Variants in BLTP3A observed in about 807,000 individuals in gnomAD.
BLTP3A encodes the protein bridge-like lipid transfer protein family member 3A, also known as ICBP90 binding protein 1.
At chr6:34,872,271 G>T in the BLTP3A span, 1 of 1,566,296 alleles carries the variant, frequency 6.4e-7, no homozygotes, top group South Asian at 1.2e-5. Context: ...GTTGCAAGAT[G>T]GTATTACCGT....
chr6:34,824,804 G>T, the BLTP3A span, among the ~76,000 whole-genome samples: 1 of 151,682 alleles, frequency 6.6e-6, no homozygotes. Context: ...CTGAGTAGCT[G>T]GAATTACAGG....
chr6:34,876,517 T>C, the BLTP3A span: 27 of 152,344 alleles, frequency 1.8e-4, no homozygotes, highest in African/African-American at 5.5e-4. Flanking sequence ...TGGCTTTTTT[T>C]TCTCTCAATA....
At chr6:34,843,586 A>G in the BLTP3A span, among the ~76,000 whole-genome samples, 1 of 152,180 alleles carries the variant, frequency 6.6e-6, no homozygotes, top group Non-Finnish European at 1.5e-5. Flanking sequence ...TTTATCATTT[A>G]TTTGTGTTAC....
the BLTP3A span, among the ~76,000 whole-genome samples, chr6:34,853,116 A>G: frequency 6.6e-6 from 1 of 152,168 alleles, no homozygotes; most frequent in East Asian, 1.9e-4. Flanking sequence ...ATGATGTTAA[A>G]ACTGGGTACT....
At chr6:34,858,825 G>A in the BLTP3A span, 20 of 1,613,962 alleles carry the variant, frequency 1.2e-5, no homozygotes, top group Non-Finnish European at 1.7e-5. Flanking sequence ...TACATTCCCC[G>A]GCCCATGTCC....
the BLTP3A span, among the ~76,000 whole-genome samples, chr6:34,808,800 AAACTCCTGGACTC>A: frequency 6.6e-6 from 1 of 151,994 alleles, no homozygotes; most frequent in Non-Finnish European, 1.5e-5. Flanking sequence ...GACTGGTCTC[AAACTCCTGGACTC>A]AAGCCATCCT....
chr6:34,842,775 C>T, the BLTP3A span, among the ~76,000 whole-genome samples: 24 of 152,060 alleles, frequency 1.6e-4, no homozygotes, highest in African/African-American at 5.1e-4. Context: ...TGTGGAAGAT[C>T]AGTGTTACAA....
the BLTP3A span, chr6:34,859,020 C>T: frequency 1.1e-4 from 182 of 1,614,076 alleles, no homozygotes; most frequent in East Asian, 2.0e-4. Flanking sequence ...ATCCTGCACC[C>T]GGTGCTGTCG....
the BLTP3A span, among the ~76,000 whole-genome samples, chr6:34,860,465 G>A: frequency 6.6e-6 from 1 of 152,146 alleles, no homozygotes; most frequent in South Asian, 2.1e-4. Flanking sequence ...TATCTTAAGT[G>A]GGTCTCTAAT....
chr6:34,839,949 C>T, the BLTP3A span, among the ~76,000 whole-genome samples: 4 of 152,252 alleles, frequency 2.6e-5, no homozygotes, highest in Admixed American at 1.3e-4. Context: ...TGTGCCGTGC[C>T]GTCCAAGCTG....
At chr6:34,872,066 G>A in the BLTP3A span, 17 of 926,692 alleles carry the variant, frequency 1.8e-5, no homozygotes, top group South Asian at 3.4e-5. Flanking sequence ...ACCTAGCAGC[G>A]GCTTCTAGAA....
chr6:34,874,071 A>T, the BLTP3A span: 2 of 152,260 alleles, frequency 1.3e-5, no homozygotes, highest in South Asian at 4.1e-4. Flanking sequence ...TTAGGAACAA[A>T]GAAACATCTT....
At chr6:34,844,358 T>A in the BLTP3A span, among the ~76,000 whole-genome samples, 2 of 152,280 alleles carry the variant, frequency 1.3e-5, no homozygotes, top group African/African-American at 4.8e-5. Flanking sequence ...TACTGCAACC[T>A]CTGCCTCTGG....
chr6:34,808,359 AAAAAAAAAAAAG>A, the BLTP3A span, among the ~76,000 whole-genome samples: 1 of 150,800 alleles, frequency 6.6e-6, no homozygotes, highest in Non-Finnish European at 1.5e-5. Context: ...AAAAAAAAAA[AAAAAAAAAAAAG>A]AATAGAAATC....
chr6:34,836,613 T>C, the BLTP3A span, among the ~76,000 whole-genome samples: 2 of 152,190 alleles, frequency 1.3e-5, no homozygotes, highest in African/African-American at 4.8e-5. Context: ...CACCTCTAAA[T>C]TAGAGTCTTC....
the BLTP3A span, among the ~76,000 whole-genome samples, chr6:34,862,689 C>T: frequency 6.6e-6 from 1 of 151,724 alleles, no homozygotes; most frequent in Non-Finnish European, 1.5e-5. Context: ...AAAAAATTAG[C>T]TGAGTGTGTT....
the BLTP3A span, among the ~76,000 whole-genome samples, chr6:34,816,696 T>TGCCTATCAGAGGGATCCTTACTTCC: frequency 3.9e-5 from 6 of 152,320 alleles, no homozygotes; most frequent in Admixed American, 6.5e-5. Context: ...TCCTTACTCC[T>TGCCTATCAGAGGGATCCTTACTTCC]GCCTATCAGA....
At chr6:34,826,089 G>GTGCATCTC in the BLTP3A span, among the ~76,000 whole-genome samples, 1 of 139,564 alleles carries the variant, frequency 7.2e-6, no homozygotes, top group Non-Finnish European at 1.5e-5. Context: ...GAGTGCAATG[G>GTGCATCTC]TGCATCTCTG....
chr6:34,807,986 G>A, the BLTP3A span, among the ~76,000 whole-genome samples: 268 of 152,190 alleles, frequency 1.8e-3, 1 homozygote, highest in African/African-American at 6.0e-3. Flanking sequence ...GTTGCAGTGA[G>A]CTGAGATGAC....
Sources: allele counts gnomAD v4.1 joint callset (sites outside exome capture counted in the v4.1 genomes callset), GRCh38; gene constraint gnomAD v4.1.1; transcripts MANE v1.5; gene names NCBI Gene and HGNC (gene_info 2026-07-23, HGNC 2026-07-21).